The following GRM8 variants were observed in gnomAD, a reference collection of about 807,000 sequenced individuals.
The protein encoded by GRM8 is glutamate metabotropic receptor 8, also known as metabotropic glutamate receptor 8.
In GRM8, 47 loss-of-function variants were observed where a neutral mutation model predicts 87.2. The observed-to-expected ratio is 0.54, with a 90% CI of 0.43 to 0.69. The LOEUF (loss-of-function observed/expected upper bound fraction) is 0.69, where lower values mean the gene tolerates loss of function less well. GRM8 is among the 30% of genes least tolerant of loss of function. The pLI is 0.00. For synonymous variants in GRM8, 396 were observed against 404.5 expected, an observed-to-expected ratio of 0.98 and a Z score of 0.25; for missense variants, 1,019 against 1,139.2, an observed-to-expected ratio of 0.89 and a Z score of 1.52.
chr7:126,490,911 C>T (rs936861902), intron 9 of GRM8, among the ~76,000 whole-genome samples: 1 of 151,946 alleles, frequency 6.6e-6, no homozygotes, highest in Non-Finnish European at 1.5e-5. Context: ...GTAATATGTC[C>T]AAGGCATAGT....
chr7:126,695,485 A>T (rs569073049), intron 7 of GRM8, among the ~76,000 whole-genome samples: 1 of 152,232 alleles, frequency 6.6e-6, no homozygotes, highest in African/African-American at 2.4e-5. Flanking sequence ...CATCAAGAAG[A>T]ATTCCTGGAT....
At chr7:126,460,784 C>G (rs1002534331) in intron 9 of GRM8, among the ~76,000 whole-genome samples, 1 of 151,544 alleles carries the variant, frequency 6.6e-6, no homozygotes, top group Non-Finnish European at 1.5e-5. Context: ...CCCGAAGTCC[C>G]TCCCACAACA....
intron 2 of GRM8, among the ~76,000 whole-genome samples, chr7:127,119,400 C>A (rs1408810403): frequency 3.3e-5 from 5 of 152,014 alleles, no homozygotes; most frequent in Non-Finnish European, 5.9e-5. Flanking sequence ...GTATGAGAAT[C>A]ACTTGAACCC....
At chr7:126,827,691 AAT>A (rs1278797400) in intron 6 of GRM8, among the ~76,000 whole-genome samples, 2 of 152,174 alleles carry the variant, frequency 1.3e-5, no homozygotes, top group African/African-American at 4.8e-5. Flanking sequence ...TTCCTAATTG[AAT>A]ACCCTTTATT....
intron 3 of GRM8, among the ~76,000 whole-genome samples, chr7:127,062,162 G>A (rs1455464376): frequency 6.6e-6 from 1 of 151,316 alleles, no homozygotes; most frequent in East Asian, 1.9e-4. Flanking sequence ...AAAAAGGAGA[G>A]AGAAAGAAAG....
intron 3 of GRM8, among the ~76,000 whole-genome samples, chr7:126,927,068 C>T (rs990728500): frequency 2.6e-5 from 4 of 152,198 alleles, no homozygotes; most frequent in African/African-American, 9.6e-5. Flanking sequence ...GCTCCAGTCT[C>T]TGTTCAACGT....
chr7:126,805,827 A>G (rs1792621712), intron 6 of GRM8, among the ~76,000 whole-genome samples: 1 of 152,160 alleles, frequency 6.6e-6, no homozygotes, highest in African/African-American at 2.4e-5. Context: ...TGAGAATCCC[A>G]GGGTAGAGCA....
chr7:126,783,756 T>C (rs998888331), intron 6 of GRM8, among the ~76,000 whole-genome samples: 5 of 152,178 alleles, frequency 3.3e-5, no homozygotes, highest in Admixed American at 2.0e-4. Context: ...ATTTCCATAA[T>C]AGAGGAAATA....
intron 9 of GRM8, among the ~76,000 whole-genome samples, chr7:126,508,430 C>T (rs1281135068): frequency 6.6e-6 from 1 of 151,980 alleles, no homozygotes; most frequent in African/African-American, 2.4e-5. Context: ...AAATGATATT[C>T]CTCCATTCAT....
chr7:126,470,961 A>T (rs1044874729), intron 9 of GRM8, among the ~76,000 whole-genome samples: 2 of 151,972 alleles, frequency 1.3e-5, no homozygotes, highest in Non-Finnish European at 2.9e-5. Flanking sequence ...GCATTTTTTC[A>T]TGTGTTTTTT....
At chr7:126,916,595 C>A (rs1159730255) in intron 3 of GRM8, among the ~76,000 whole-genome samples, 1 of 152,198 alleles carries the variant, frequency 6.6e-6, no homozygotes, top group Non-Finnish European at 1.5e-5. Flanking sequence ...CAAGTAATAT[C>A]TGATTCTACT....
At chr7:127,208,308 C>T (rs1313537957) in intron 2 of GRM8, among the ~76,000 whole-genome samples, 2 of 152,150 alleles carry the variant, frequency 1.3e-5, no homozygotes, top group Non-Finnish European at 2.9e-5. Context: ...TTCATAGCTC[C>T]TCCTGTAACC....
In GRM8 at chr7:127,019,010, A is replaced by G. The variant is rs189569721; in HGVS notation, c.727+87486T>C. ...TTACTTGAAATCAAATACAATCCCT[A>G]GCTGATACAGGGTTGTAGTGGGATG... On this transcript the variant is annotated intron_variant, in intron 3 of 10. Coordinates refer to ENST00000339582, the MANE Select transcript of GRM8 (RefSeq NM_000845.3). 1.1e-3 allele frequency among the ~76,000 whole-genome samples: 170 copies of G among 152,094 alleles called. 1 individual carries two copies. Among genetic ancestry groups the G allele is most frequent in the African/African-American group, 3.9e-3 (164 of 41,540 alleles).
rs146530125 is a variant in GRM8, at chr7:127,001,343, C to T, written c.728-96660G>A. The stretch of plus-strand genomic sequence containing the variant: ...CCAAAAGTGATAAATTATATCAATT[C>T]GTTAATATAGAAATATAGACTATAA... On this transcript the variant is annotated intron_variant, in intron 3 of 10. Coordinates refer to ENST00000339582, the MANE Select transcript of GRM8 (RefSeq NM_000845.3). Among the ~76,000 whole-genome samples, 23 of 151,588 alleles carry T rather than the reference C, an allele frequency of 1.5e-4. No homozygotes were observed. In the East Asian group the frequency reaches 3.1e-3, roughly 20 times the overall value.
At chr7:127,048,168 GGAAA>G (rs1198262574) in intron 3 of GRM8, among the ~76,000 whole-genome samples, 2 of 152,156 alleles carry the variant, frequency 1.3e-5, no homozygotes, top group Non-Finnish European at 2.9e-5. Flanking sequence ...GAAGGGGAGG[GGAAA>G]GAACTACAGT....
chr7:126,712,199 T>C (rs1811174689), intron 7 of GRM8, among the ~76,000 whole-genome samples: 1 of 152,124 alleles, frequency 6.6e-6, no homozygotes, highest in African/African-American at 2.4e-5. Flanking sequence ...TATTTCAATA[T>C]TGTGATGGCT....
chr7:126,890,014 C>A (rs1196492862), intron 6 of GRM8, among the ~76,000 whole-genome samples: 3 of 151,982 alleles, frequency 2.0e-5, no homozygotes, highest in Non-Finnish European at 4.4e-5. Context: ...TAGTCATTAG[C>A]CACATTTAAA....
intron 7 of GRM8, among the ~76,000 whole-genome samples, chr7:126,705,246 C>T (rs993546076): frequency 1.2e-4 from 19 of 152,172 alleles, no homozygotes; most frequent in African/African-American, 3.9e-4. Context: ...GGAAAGCTGA[C>T]TTGCTATTCT....
intron 3 of GRM8, among the ~76,000 whole-genome samples, chr7:127,001,871 ATTG>A (rs1410303616): frequency 6.6e-6 from 1 of 151,582 alleles, no homozygotes; most frequent in Non-Finnish European, 1.5e-5. Context: ...AGAATAGAGT[ATTG>A]TTATTATCAT....
Sources: allele counts gnomAD v4.1 joint callset (sites outside exome capture counted in the v4.1 genomes callset), GRCh38; gene constraint gnomAD v4.1.1; transcripts MANE v1.5; gene names NCBI Gene and HGNC (gene_info 2026-07-23, HGNC 2026-07-21).